SLC25A38: variants seen among roughly 807,000 people sequenced by gnomAD.
SLC25A38 encodes the protein mitochondrial glycine transporter.
In SLC25A38, 27 loss-of-function variants were observed where a neutral mutation model predicts 33.4. The ratio of observed to expected loss-of-function variants is 0.81; its 90% CI spans 0.60 to 1.11. The LOEUF (loss-of-function observed/expected upper bound fraction) is 1.11, where lower values mean the gene tolerates loss of function less well. Ranked by LOEUF, SLC25A38 falls within the 50% of genes most tolerant of loss-of-function variation. The pLI is 0.00. For synonymous variants in SLC25A38, 123 were observed against 145.9 expected (o/e 0.84, Z 1.13); for missense variants, 344 against 388.8 (o/e 0.88, Z 0.97).
intron 5 of SLC25A38, among the ~76,000 whole-genome samples, chr3:39,393,017 G>A (rs114701244): frequency 0.017 from 2,515 of 152,288 alleles, 32 homozygotes; most frequent in Non-Finnish European, 0.026. Flanking sequence ...TGGTGCGATG[G>A]CTTATGCCTG....
At chr3:39,384,726 C>T in intron 1 of SLC25A38, 1 of 398,098 alleles carries the variant, frequency 2.5e-6, no homozygotes, top group Non-Finnish European at 4.4e-6. Flanking sequence ...TTGTTTATGC[C>T]CTCTTCTTTC....
intron 1 of SLC25A38, among the ~76,000 whole-genome samples, chr3:39,384,069 G>T (rs531866967): frequency 2.6e-4 from 40 of 152,330 alleles, no homozygotes; most frequent in Non-Finnish European, 4.1e-4. Flanking sequence ...GACGCGTGCC[G>T]GGGAGTGTGC....
Position 39,391,913 on chromosome 3 carries a change from G to A in SLC25A38, c.517G>A (p.Gly173Arg), listed in dbSNP as rs2041774974. ...AALRSIYHSEGHRGLFSGLTA... is the reference protein window; with the variant it reads ...AALRSIYHSERHRGLFSGLTA... ...CCTGAGGAGCATCTATCACAGTGAG[G>A]GGCACCGGGGCCTCTTCAGTGGCCT... Residue 173 changes from glycine (G) to arginine (R), a missense_variant, in exon 5 of 7, where the codon GGG becomes AGG. Physicochemically the swap from Gly to Arg is moderately radical, Grantham distance 125. Coordinates refer to ENST00000650617, the MANE Select transcript of SLC25A38 (RefSeq NM_017875.4). 4 of 1,614,112 alleles carry A rather than the reference G, an allele frequency of 2.5e-6. No homozygotes were observed. The highest frequency in any genetic ancestry group is 3.4e-6 in the Non-Finnish European group (4 of 1,180,012).
chr3:39,385,725 G>T (rs533106805), intron 1 of SLC25A38, among the ~76,000 whole-genome samples: 1 of 152,346 alleles, frequency 6.6e-6, no homozygotes, highest in South Asian at 2.1e-4. Context: ...CAGTTCTTGA[G>T]ATATCACCAT....
chr3:39,391,921 G>C lies in SLC25A38; in HGVS notation c.525G>C (p.Arg175=), dbSNP rs149992222. Reference sequence around the variant, plus strand: ...GCATCTATCACAGTGAGGGGCACCGGGGCCTCTTCAGTGGCCTGACAGCAA... The same window carrying C: ...GCATCTATCACAGTGAGGGGCACCGCGGCCTCTTCAGTGGCCTGACAGCAA... ...LRSIYHSEGH[R]GLFSGLTATL... Residue 175 remains arginine, a synonymous_variant, in exon 5 of 7, where the codon CGG becomes CGC. Transcript: ENST00000650617. 3,614 of 1,614,136 alleles carry C rather than the reference G, an allele frequency of 2.2e-3. 9 individuals are homozygous for C. Among genetic ancestry groups the C allele is most frequent in the Non-Finnish European group, 2.9e-3 (3,371 of 1,180,024 alleles).
chr3:39,387,717 G>A (rs1008467728), intron 1 of SLC25A38: 2 of 152,664 alleles, frequency 1.3e-5, no homozygotes, highest in African/African-American at 4.8e-5. Flanking sequence ...ACCAGCATGT[G>A]TGTGAAGCCT....
chr3:39,390,769 C>T (rs537412209), intron 3 of SLC25A38, among the ~76,000 whole-genome samples: 2 of 152,270 alleles, frequency 1.3e-5, no homozygotes, highest in South Asian at 4.1e-4. Context: ...GTCAGAATGC[C>T]CTTGCTCTTA....
In SLC25A38 at chr3:39,397,233, ATGT is replaced by A. The variant is rs1242452743; in HGVS notation, c.*717_*719del. On this transcript the variant is annotated 3_prime_UTR_variant, in exon 7 of 7. Coordinates refer to ENST00000650617, the MANE Select transcript of SLC25A38 (RefSeq NM_017875.4). ...GAAAGCTGTTTGGAAAACCTAAAAG[ATGT>A]TGTCACACTTCTGTTTTCTTTACCT... 3 of 152,850 alleles carry A rather than the reference ATGT, an allele frequency of 2.0e-5. No individual in the cohort carries two copies. Among genetic ancestry groups the A allele is most frequent in the South Asian group, 2.1e-4 (1 of 4,860 alleles). The allele number at this position is 152,850 out of a possible 1,614,324, so 9.5% of individuals were successfully genotyped here. A position where few individuals can be genotyped will look rare whatever the true frequency, so the allele number is the denominator to read the frequency against.
intron 5 of SLC25A38, 82 bp downstream of exon 5, chr3:39,392,103 T>A: frequency 6.4e-7 from 1 of 1,561,386 alleles, no homozygotes; most frequent in South Asian, 1.1e-5. Flanking sequence ...TGAGACTATG[T>A]GTTTCTCTTA....
chr3:39,394,023 G>A (rs2041803286), intron 5 of SLC25A38, among the ~76,000 whole-genome samples: 1 of 152,184 alleles, frequency 6.6e-6, no homozygotes, highest in African/African-American at 2.4e-5. Context: ...ATGAGTGATA[G>A]TAACACTTTA....
rs554337410 is a variant in SLC25A38, at chr3:39,389,273, G to A, written c.70-222G>A. ...TGAGCAATATGTCTATCAGCAATAC[G>A]AAGACCAGAGATACCTCTTGCAGCA... On this transcript the variant is annotated intron_variant, in intron 1 of 6. Transcript: ENST00000650617. This position sits in a 1 kb window ranked among gnomAD's most constrained non-coding sequence, Gnocchi z 4.5. 2.2e-5 allele frequency: 16 copies of A among 740,672 alleles called. No individual in the cohort carries two copies. Among genetic ancestry groups the A allele is most frequent in the South Asian group, 1.6e-4 (11 of 67,950 alleles). The allele number at this position is 740,672 out of a possible 1,614,324, so 45.9% of individuals were successfully genotyped here.
Position 39,396,670 on chromosome 3 carries a change from G to C in SLC25A38, c.*150G>C. On this transcript the variant is annotated 3_prime_UTR_variant, in exon 7 of 7. Transcript: ENST00000650617. ...CCTTTGCCTTCAGTAATCCCCTTAA[G>C]GAGAAAATATATGGACCTGATTTCA... The C allele has an allele frequency of 7.9e-7, 1 of 1,259,266 alleles. No individual in the cohort carries two copies. Among genetic ancestry groups the C allele is most frequent in the Admixed American group, 1.9e-5 (1 of 51,812 alleles). The allele number at this position is 1,259,266 out of a possible 1,614,324, so 78.0% of individuals were successfully genotyped here. A position where few individuals can be genotyped will look rare whatever the true frequency, so the allele number is the denominator to read the frequency against.
chr3:39,394,179 A>G (rs146075844), intron 5 of SLC25A38, among the ~76,000 whole-genome samples: 4 of 152,328 alleles, frequency 2.6e-5, no homozygotes, highest in East Asian at 1.9e-4. Flanking sequence ...AAATCAGTCA[A>G]TGATTCTTGC....
At chr3:39,384,592 T>G (rs2041688913) in intron 1 of SLC25A38, 1 of 397,938 alleles carries the variant, frequency 2.5e-6, no homozygotes, top group South Asian at 1.3e-4. Context: ...CTTACCTTTT[T>G]CAGGGCTCTC....
intron 1 of SLC25A38, chr3:39,384,397 C>T: frequency 6.1e-6 from 2 of 326,884 alleles, no homozygotes; most frequent in Non-Finnish European, 1.1e-5. Flanking sequence ...GGCGTGGTTG[C>T]CCGGTAGGTG....
At position 39,391,469 on chromosome 3, in the gene SLC25A38, G is replaced by A. The variant is rs2125579714; in HGVS notation, c.305G>A (p.Gly102Glu). The A allele has an allele frequency of 6.2e-7, 1 of 1,614,016 alleles. No homozygotes were observed. Among genetic ancestry groups the A allele is most frequent in the Admixed American group, 1.7e-5 (1 of 60,030 alleles). Reference sequence around the variant, plus strand: ...ATTGTGAGATGTGTCCCTGGCGTTGGAATCTACTTTGGCACTCTCTACTCT... The same window carrying A: ...ATTGTGAGATGTGTCCCTGGCGTTGAAATCTACTTTGGCACTCTCTACTCT... ...PSIVRCVPGV[G>E]IYFGTLYSLK... The change falls in exon 4 of 7, where the codon GGA (glycine) becomes GAA (glutamate). Residue 102 changes from glycine (G) to glutamate (E), a missense_variant. This residue lies in a region of SLC25A38 where 269 missense variants were observed against 271.8 expected (regional missense o/e 0.99). Transcript: ENST00000650617.
intron 5 of SLC25A38, among the ~76,000 whole-genome samples, chr3:39,392,495 T>G (rs904468302): frequency 6.6e-6 from 1 of 152,112 alleles, no homozygotes; most frequent in African/African-American, 2.4e-5. Flanking sequence ...TCTCCCTTGC[T>G]GTGTTCCCAG....
At chr3:39,384,507 TTTA>T in intron 1 of SLC25A38, 1 of 377,034 alleles carries the variant, frequency 2.7e-6, no homozygotes, top group African/African-American at 2.1e-5. Flanking sequence ...AGGGGCGGCT[TTTA>T]TTTTTTTTTT....
intron 5 of SLC25A38, among the ~76,000 whole-genome samples, chr3:39,393,365 T>C (rs1452344061): frequency 6.6e-6 from 1 of 152,178 alleles, no homozygotes; most frequent in Non-Finnish European, 1.5e-5. Flanking sequence ...AATGTACATA[T>C]TTTTTTCCTG....
Sources: gnomAD v4.1 joint callset for allele counts (sites outside exome capture counted in the v4.1 genomes callset) on GRCh38, gnomAD v4.1.1 for gene constraint, gnomAD v4.1.1 regional missense constraint, Gnocchi (gnomAD v3.1) non-coding constraint, MANE v1.5 for transcripts, NCBI Gene and HGNC (gene_info 2026-07-23, HGNC 2026-07-21) for gene names.